The following FRY variants were observed in gnomAD, a reference collection of about 807,000 sequenced individuals.
FRY encodes the protein protein furry homolog.
A neutral mutation model predicts 348.4 loss-of-function variants in FRY; 128 were observed. The observed-to-expected ratio is 0.37, with a 90% confidence interval of 0.32 to 0.43. The LOEUF (loss-of-function observed/expected upper bound fraction) is 0.43, where lower values mean the gene tolerates loss of function less well. Among genes scored for constraint, FRY ranks in the 20% least tolerant of loss-of-function variants. The probability of loss-of-function intolerance (pLI) is 1.00; values close to 1 mark genes in which losing one functional copy is unlikely to be tolerated. For missense variants in FRY, 2,736 were observed against 3,695.2 expected (o/e 0.74, Z 6.73); for synonymous variants, 1,370 against 1,374.7 (o/e 1.00, Z 0.08).
chr13:32,135,205 G>T (rs376075565), intron 10 of FRY, 22 bp downstream of exon 10: 124 of 1,424,974 alleles, frequency 8.7e-5, no homozygotes, highest in Admixed American at 5.0e-5. Flanking sequence ...TGAGAAAATC[G>T]AAAACACAAA....
chr13:32,235,973 G>A (rs1886204461), intron 42 of FRY, 105 bp from the exon 43 acceptor site: 3 of 857,452 alleles, frequency 3.5e-6, no homozygotes, highest in Non-Finnish European at 3.9e-6. Flanking sequence ...ATAAATTAAA[G>A]CAGCAATAAC....
intron 48 of FRY, 145 bp from the exon 49 acceptor site, chr13:32,249,381 G>C: frequency 2.5e-6 from 2 of 811,200 alleles, no homozygotes; most frequent in Non-Finnish European, 4.1e-6. Context: ...CTTGCATGTT[G>C]AGAAAATGAG....
Position 32,155,643 on chromosome 13 carries a change from A to G in FRY, c.1632A>G (p.Glu544=), listed in dbSNP as rs369843739. The change falls in exon 15 of 61, where the codon GAA becomes GAG. Residue 544 remains glutamate, a synonymous_variant. Transcript: ENST00000542859. ...KKTYLSKTLT[E]EEAKMIGMSL... ...CATATTTGAGTAAAACACTAACTGA[A>G]GAGGAAGCCAAAATGATAGGTGAGT... The G allele has an allele frequency of 1.2e-6, 2 of 1,612,914 alleles. No homozygotes were observed. Among genetic ancestry groups the G allele is most frequent in the Non-Finnish European group, 1.7e-6 (2 of 1,179,440 alleles).
intron 47 of FRY, among the ~76,000 whole-genome samples, chr13:32,245,084 G>A (rs1886714774): frequency 6.6e-6 from 1 of 152,018 alleles, no homozygotes; most frequent in Non-Finnish European, 1.5e-5. Flanking sequence ...CAAGTAGCTG[G>A]GACTACAGGC....
chr13:32,136,424 A>G (rs934906591), intron 10 of FRY, among the ~76,000 whole-genome samples: 1 of 152,242 alleles, frequency 6.6e-6, no homozygotes, highest in African/African-American at 2.4e-5. Context: ...GCAAAAGAAA[A>G]TATAGACAAC....
chr13:32,188,752 G>A (rs1883168849), intron 28 of FRY, among the ~76,000 whole-genome samples: 1 of 152,028 alleles, frequency 6.6e-6, no homozygotes, highest in African/African-American at 2.4e-5. Context: ...GGATAGCACT[G>A]GTAAAGCCAT....
intron 54 of FRY, among the ~76,000 whole-genome samples, 200 bp downstream of exon 54, chr13:32,265,816 A>T (rs530812210): frequency 1.3e-5 from 2 of 152,352 alleles, no homozygotes; most frequent in South Asian, 4.1e-4. Flanking sequence ...ACAAAGAAAG[A>T]ACACTTACAT....
rs1020259590 is a variant in FRY, at chr13:32,297,900, A to G, written c.*2440A>G. 1 of 152,252 alleles carries G rather than the reference A, an allele frequency of 6.6e-6. No individual in the cohort carries two copies. Among genetic ancestry groups the G allele is most frequent in the Admixed American group, 6.5e-5 (1 of 15,286 alleles). The allele number at this position is 152,252 out of a possible 1,614,324, so 9.4% of individuals were successfully genotyped here. On this transcript the variant is annotated 3_prime_UTR_variant, in exon 61 of 61. Transcript: ENST00000542859. ...TCCTTGTGTCTCACTGTTTTCTAGCACTGAAACATGATACACTTTGTATCC... is the reference window on the plus strand; with the variant it reads ...TCCTTGTGTCTCACTGTTTTCTAGCGCTGAAACATGATACACTTTGTATCC...
chr13:32,257,808 C>T (rs549493395), intron 51 of FRY, among the ~76,000 whole-genome samples: 5 of 152,162 alleles, frequency 3.3e-5, no homozygotes, highest in Non-Finnish European at 5.9e-5. Context: ...TGTATATTTA[C>T]CTTTTCTTTT....
intron 3 of FRY, among the ~76,000 whole-genome samples, chr13:32,105,998 C>A (rs1276984759): frequency 6.7e-6 from 1 of 150,232 alleles, no homozygotes; most frequent in Admixed American, 6.7e-5. Context: ...TATTATCTCA[C>A]CTGACATCAC....
chr13:32,086,762 C>G (rs553566233), intron 2 of FRY, among the ~76,000 whole-genome samples: 2 of 152,074 alleles, frequency 1.3e-5, no homozygotes, highest in South Asian at 4.2e-4. Context: ...AAAAATCTAA[C>G]TTTAATCTTG....
chr13:32,249,395 A>T (rs1886961624), intron 48 of FRY, 131 bp from the exon 49 acceptor site: 1 of 921,854 alleles, frequency 1.1e-6, no homozygotes, highest in Non-Finnish European at 1.7e-6. Flanking sequence ...AAATGAGCCC[A>T]CTTGTAACAC....
At chr13:32,193,742 C>T (rs768385787) in intron 28 of FRY, among the ~76,000 whole-genome samples, 4 of 152,144 alleles carry the variant, frequency 2.6e-5, no homozygotes, top group Non-Finnish European at 4.4e-5. Context: ...CCCACCACCA[C>T]GCCCAGCTAA....
At chr13:32,043,298 G>A (rs1872842887) in intron 1 of FRY, among the ~76,000 whole-genome samples, 1 of 152,154 alleles carries the variant, frequency 6.6e-6, no homozygotes, top group Admixed American at 6.5e-5. Context: ...TTCAAGATGA[G>A]ATTTGGGTGG....
chr13:32,180,762 G>A lies in FRY; in HGVS notation c.2996+963G>A, dbSNP rs559596614. ...TAAAATCGCAAACAAAATTTTCCAT[G>A]TAGATAGAAATGAGAAACCTCCAAG... is the stretch of plus-strand genomic sequence containing the variant. On this transcript the variant is annotated intron_variant, in intron 23 of 60. Coordinates refer to ENST00000542859, the MANE Select transcript of FRY (RefSeq NM_023037.3). 5.3e-5 allele frequency among the ~76,000 whole-genome samples: 8 copies of A among 152,292 alleles called. No homozygotes were observed. In the South Asian group the frequency reaches 1.0e-3, roughly 20 times the overall value.
intron 2 of FRY, among the ~76,000 whole-genome samples, chr13:32,089,184 A>G (rs1248267797): frequency 1.3e-5 from 2 of 152,212 alleles, no homozygotes; most frequent in Admixed American, 1.3e-4. Flanking sequence ...TTTAACCGGC[A>G]CAAATTTTGA....
At position 32,236,135 on chromosome 13, in the gene FRY, T is replaced by G. The variant is rs368624438; in HGVS notation, c.5773T>G (p.Cys1925Gly). Residue 1925 changes from cysteine to glycine, a missense_variant, in exon 43 of 61, where the codon TGC becomes GGC. Coordinates refer to ENST00000542859, the MANE Select transcript of FRY (RefSeq NM_023037.3). The stretch of plus-strand genomic sequence containing the variant: ...GGCGGCTGTGGATAACTTGTCTGAC[T>G]GCTTGAAGAACAGTGACCTCCTAAC... ...LEAAVDNLSD[C>G]LKNSDLLTVL... is the part of the protein sequence containing the mutation. 1.7e-5 allele frequency: 28 copies of G among 1,613,864 alleles called. No homozygotes were observed. Among genetic ancestry groups the G allele is most frequent in the Non-Finnish European group, 2.3e-5 (27 of 1,179,888 alleles).
At chr13:32,106,395 A>G (rs147370638) in intron 3 of FRY, among the ~76,000 whole-genome samples, 3 of 152,062 alleles carry the variant, frequency 2.0e-5, no homozygotes, top group Non-Finnish European at 2.9e-5. Flanking sequence ...GAGAGTTCAG[A>G]GGGAAGTTTT....
chr13:32,107,807 G>GA (rs1453455707), intron 3 of FRY, among the ~76,000 whole-genome samples: 1 of 152,194 alleles, frequency 6.6e-6, no homozygotes, highest in Non-Finnish European at 1.5e-5. Context: ...CAGAGGTTCA[G>GA]AGCAGTATGG....
Sources: allele counts gnomAD v4.1 joint callset (sites outside exome capture counted in the v4.1 genomes callset), GRCh38; gene constraint gnomAD v4.1.1; transcripts MANE v1.5; gene names NCBI Gene and HGNC (gene_info 2026-07-23, HGNC 2026-07-21).